Variants in THOC2 observed in about 807,000 individuals in gnomAD.
THOC2 encodes THO complex 2.
A neutral mutation model predicts 128.4 loss-of-function variants in THOC2; 10 were observed. The ratio of observed to expected loss-of-function variants is 0.08; its 90% confidence interval spans 0.05 to 0.13. The LOEUF is 0.13. Ranked by LOEUF, THOC2 falls within the 10% of genes least tolerant of loss-of-function variation. The pLI is 1.00. For missense variants in THOC2, 535 were observed against 1,155.7 expected, an observed-to-expected ratio of 0.46 and a Z score of 7.79; for synonymous variants, 393 against 396.9, an observed-to-expected ratio of 0.99 and a Z score of 0.12.
chrX:123,629,774 T>C (rs2047405222), intron 22 of THOC2, among the ~76,000 whole-genome samples: 1 of 111,560 alleles, frequency 9.0e-6, no homozygotes, highest in South Asian at 3.8e-4. Context: ...ACAGGTCTTA[T>C]TGAAGGTAAC....
rs190490843 is a variant in THOC2 at position 123,606,486 on chromosome X, C to T, written c.*18+4432G>A. 5.8e-3 allele frequency among the ~76,000 whole-genome samples: 637 copies of T among 110,443 alleles called. 4 individuals carry two copies. The highest frequency in any genetic ancestry group is 0.023 in the Middle Eastern group (5 of 217). ...GCACATGCCTGTAATCCCAGCTACT[C>T]GGGAGACTGAGGCATGAGAATCGCT... On this transcript the variant is annotated intron_variant, in intron 38 of 38. Transcript: ENST00000245838.
At chrX:123,688,390 C>A (rs2050091613) in intron 7 of THOC2, among the ~76,000 whole-genome samples, 1 of 111,939 alleles carries the variant, frequency 8.9e-6, no homozygotes, top group African/African-American at 3.2e-5. Context: ...CTGTACGATT[C>A]CATTTATAGA....
At chrX:123,634,179 A>ATG (rs1478276949) in intron 19 of THOC2, 109 bp from the exon 20 acceptor site, 1 of 424,582 alleles carries the variant, frequency 2.4e-6, no homozygotes, top group Non-Finnish European at 3.9e-6. Context: ...GTATATAAAT[A>ATG]TGGGGGAAGG....
intron 19 of THOC2, 78 bp downstream of exon 19, chrX:123,636,001 G>T: frequency 2.7e-6 from 2 of 742,502 alleles, no homozygotes; most frequent in Non-Finnish European, 4.0e-6. Flanking sequence ...TAGTCTTTCG[G>T]GATAACAGAG....
rs2046254821 is a variant in THOC2 at position 123,600,940 on chromosome X, T to A, written c.*417A>T. The A allele has an allele frequency of 8.9e-6, 1 of 112,517 alleles. No homozygotes were observed. Among genetic ancestry groups the A allele is most frequent in the Admixed American group, 9.4e-5 (1 of 10,583 alleles). The allele number at this position is 112,517 out of a possible 1,213,427, so 9.3% of individuals were successfully genotyped here. A position where few individuals can be genotyped will look rare whatever the true frequency, so the allele number is the denominator to read the frequency against. On this transcript the variant is annotated 3_prime_UTR_variant, in exon 39 of 39. Coordinates refer to ENST00000245838, the MANE Select transcript of THOC2 (RefSeq NM_001081550.2). ...ATAATAAATTAAAACAGTTTTAAAA[T>A]GAGGTAAAATCAAAAGGGTTCAACA...
chrX:123,686,550 G>T lies in THOC2; in HGVS notation c.766C>A (p.Gln256Lys). The change falls in exon 8 of 39, where the codon CAG becomes AAG. Residue 256 changes from glutamine (Q) to lysine (K), a missense_variant and splice_region_variant. Transcript: ENST00000245838. The stretch of plus-strand genomic sequence containing the variant: ...CATACATACACGTTTTTCTTTACCT[G>T]GTAAAACTTGAATTTGAACCCAAGA... ...HILGFKFKFYQEPNGETPSSL... is the reference protein window; with the variant it reads ...HILGFKFKFYKEPNGETPSSL... 1 of 1,186,025 alleles carries T rather than the reference G, an allele frequency of 8.4e-7. No homozygotes were observed. Among genetic ancestry groups the T allele is most frequent in the Admixed American group, 2.3e-5 (1 of 44,219 alleles).
chrX:123,639,532 G>T (rs2047823283), intron 16 of THOC2, among the ~76,000 whole-genome samples: 1 of 111,375 alleles, frequency 9.0e-6, no homozygotes, highest in African/African-American at 3.3e-5. Flanking sequence ...CTCTTGATTT[G>T]GTTTTCAGCT....
intron 25 of THOC2, among the ~76,000 whole-genome samples, chrX:123,625,597 C>CA (rs756088163): frequency 9.2e-6 from 1 of 108,476 alleles, no homozygotes; most frequent in South Asian, 4.0e-4. Context: ...CACGTAAACT[C>CA]AAATACTTAG....
chrX:123,639,140 A>G (rs1162649833), intron 16 of THOC2, 113 bp from the exon 17 acceptor site: 13 of 338,635 alleles, frequency 3.8e-5, no homozygotes, highest in Middle Eastern at 5.9e-4. Context: ...GCTTATAATT[A>G]AAGTGGTTTC....
chrX:123,643,745 A>C (rs769418651), intron 15 of THOC2, among the ~76,000 whole-genome samples: 27 of 110,623 alleles, frequency 2.4e-4, no homozygotes, highest in African/African-American at 3.9e-4. Context: ...AAAAAAAAAA[A>C]AACAACAACT....
chrX:123,666,615 G>C (rs1457071332), intron 11 of THOC2, among the ~76,000 whole-genome samples: 1 of 111,894 alleles, frequency 8.9e-6, no homozygotes, highest in African/African-American at 3.2e-5. Flanking sequence ...TAAAGGACTA[G>C]ATGACATAGT....
chrX:123,634,215 C>A, intron 19 of THOC2, 145 bp from the exon 20 acceptor site: 2 of 360,994 alleles, frequency 5.5e-6, no homozygotes, highest in South Asian at 6.4e-5. Flanking sequence ...TAACTGCATT[C>A]CTAGAACTAT....
chrX:123,678,646 T>C (rs747999529), intron 8 of THOC2, among the ~76,000 whole-genome samples: 4 of 110,923 alleles, frequency 3.6e-5, no homozygotes, highest in Non-Finnish European at 7.6e-5. Context: ...GGGGTTCTTC[T>C]CCTGTAGTTT....
intron 23 of THOC2, 110 bp downstream of exon 23, chrX:123,627,583 T>C: frequency 1.2e-6 from 1 of 813,876 alleles, no homozygotes; most frequent in Non-Finnish European, 1.7e-6. Flanking sequence ...AAATATTATA[T>C]AGCAACAAGA....
chrX:123,680,547 TG>T (rs2049724854), intron 8 of THOC2, among the ~76,000 whole-genome samples: 1 of 110,441 alleles, frequency 9.1e-6, no homozygotes. Context: ...CTCTATACTT[TG>T]TCTCTGTGTC....
chrX:123,614,874 A>T (rs1427492172), intron 33 of THOC2, among the ~76,000 whole-genome samples: 1 of 111,493 alleles, frequency 9.0e-6, no homozygotes, highest in Non-Finnish European at 1.9e-5. Context: ...TAAACAATTC[A>T]AAAGACTAAA....
intron 1 of THOC2, among the ~76,000 whole-genome samples, chrX:123,719,909 A>G (rs1028096960): frequency 3.6e-5 from 4 of 111,727 alleles, no homozygotes; most frequent in African/African-American, 6.5e-5. Context: ...AGCCTGGGCA[A>G]CAAAGCAAAA....
At chrX:123,648,484 G>C (rs750778531) in intron 12 of THOC2, among the ~76,000 whole-genome samples, 35 of 111,879 alleles carry the variant, frequency 3.1e-4, no homozygotes, top group Non-Finnish European at 5.1e-4. Flanking sequence ...CCCCTGGAAA[G>C]GGGGCTGAAG....
rs187482527 is a variant in THOC2 at position 123,709,693 on chromosome X, C to T, written c.131-2744G>A. Among the ~76,000 whole-genome samples, 517 of 111,754 alleles carry T rather than the reference C, an allele frequency of 4.6e-3. 2 individuals are homozygous for T. Among genetic ancestry groups the T allele is most frequent in the African/African-American group, 0.016 (486 of 30,760 alleles). ...TTGGTTATGTCTAATATTGCTAGTACTACTCATGTTTGTTTTTTTAAACAA... is the reference window on the plus strand; with the variant it reads ...TTGGTTATGTCTAATATTGCTAGTATTACTCATGTTTGTTTTTTTAAACAA... On this transcript the variant is annotated intron_variant, in intron 2 of 38. Transcript: ENST00000245838.
Sources: allele counts gnomAD v4.1 joint callset (sites outside exome capture counted in the v4.1 genomes callset), GRCh38; gene constraint gnomAD v4.1.1; transcripts MANE v1.5; gene names NCBI Gene and HGNC (gene_info 2026-07-23, HGNC 2026-07-21).